CFAP61: variants seen among roughly 807,000 people sequenced by gnomAD.
The protein encoded by CFAP61 is cilia and flagella associated protein 61.
A neutral mutation model predicts 135.6 loss-of-function variants in CFAP61; 107 were observed. That is an observed-to-expected ratio of 0.79 (90% CI 0.67 to 0.93). The LOEUF is 0.93. Among genes scored for constraint, CFAP61 ranks in the 40% least tolerant of loss-of-function variants. CFAP61 has a pLI of 0.00. For synonymous variants in CFAP61, 575 were observed against 578.5 expected (o/e 0.99, Z 0.09); for missense variants, 1,507 against 1,556.2 (o/e 0.97, Z 0.53).
rs1329747731 is a variant in CFAP61 at position 20,228,659 on chromosome 20, A to G, written c.2060+283A>G. 5 of 264,562 alleles carry G rather than the reference A, an allele frequency of 1.9e-5. No homozygotes were observed. The South Asian group carries it at 3.5e-4, about 18-fold the overall frequency. The allele number at this position is 264,562 out of a possible 1,614,324, so 16.4% of individuals were successfully genotyped here. A position where few individuals can be genotyped will look rare whatever the true frequency, so the allele number is the denominator to read the frequency against. ...TGTCTGTGGCCATTTTTGTGCTACA[A>G]TAGCAGATTAGATGGCAGACTCCTC... is the stretch of plus-strand genomic sequence containing the variant. On this transcript the variant is annotated intron_variant, in intron 18 of 26. Transcript: ENST00000245957.
chr20:20,308,370 C>T (rs1296833937), intron 25 of CFAP61, among the ~76,000 whole-genome samples: 1 of 148,106 alleles, frequency 6.8e-6, no homozygotes, highest in African/African-American at 2.5e-5. Context: ...CTCTCTGTGC[C>T]TGTTTTGGTG....
At chr20:20,281,850 G>GGA (rs890611741) in intron 22 of CFAP61, among the ~76,000 whole-genome samples, 2 of 151,910 alleles carry the variant, frequency 1.3e-5, no homozygotes, top group African/African-American at 4.8e-5. Flanking sequence ...TTTCTTTCTT[G>GGA]GACGTTTGAC....
At chr20:20,228,169 C>A in intron 17 of CFAP61, 80 bp from the exon 18 acceptor site, 1 of 1,343,056 alleles carries the variant, frequency 7.4e-7, no homozygotes, top group Non-Finnish European at 1.0e-6. Context: ...TTAGATAATT[C>A]TACATAGTTG....
intron 19 of CFAP61, among the ~76,000 whole-genome samples, chr20:20,247,685 ACT>A (rs1255480748): frequency 6.6e-6 from 1 of 151,950 alleles, no homozygotes; most frequent in African/African-American, 2.4e-5. Flanking sequence ...TCCAGCCTAA[ACT>A]CTGTCTCCAT....
Position 20,298,182 on chromosome 20 carries a change from G to T in CFAP61, c.3218G>T (p.Gly1073Val). The T allele has an allele frequency of 1.2e-6, 2 of 1,611,106 alleles. No individual in the cohort carries two copies. The highest frequency in any genetic ancestry group is 1.7e-5 in the Admixed American group (1 of 60,010). ...LEVQMAQPNY[G>V]LELVTGSAKN... ...TTCTTGTCCACATCCCTCCTCCAGG[G>T]TTTAGAACTAGTAACCGGCAGTGCG... The change falls in exon 25 of 27, where the codon GGT (glycine) becomes GTT (valine). Residue 1073 changes from glycine (G) to valine (V), a missense_variant and splice_region_variant. Coordinates refer to ENST00000245957, the MANE Select transcript of CFAP61 (RefSeq NM_015585.4).
intron 26 of CFAP61, among the ~76,000 whole-genome samples, chr20:20,347,486 C>T (rs536744763): frequency 6.6e-6 from 1 of 152,030 alleles, no homozygotes; most frequent in Admixed American, 6.6e-5. Flanking sequence ...AGCTAGACTG[C>T]CTAAGAAAAA....
At chr20:20,303,507 G>C (rs569696022) in intron 25 of CFAP61, among the ~76,000 whole-genome samples, 1 of 152,122 alleles carries the variant, frequency 6.6e-6, no homozygotes, top group South Asian at 2.1e-4. Context: ...TACTCCAGGC[G>C]TGTGTTAGTG....
chr20:20,269,150 C>T lies in CFAP61; in HGVS notation c.2503+6020C>T, dbSNP rs866289630. ...ATATATATATATATATATATATACA[C>T]ACACACACACACACATACATATATG... is the stretch of plus-strand genomic sequence containing the variant. On this transcript the variant is annotated intron_variant, in intron 21 of 26. Transcript: ENST00000245957. Among the ~76,000 whole-genome samples, 296 of 85,714 alleles carry T rather than the reference C, an allele frequency of 3.5e-3. 6 individuals carry two copies. Among genetic ancestry groups the T allele is most frequent in the African/African-American group, 0.011 (271 of 24,878 alleles). The allele number at this position is 85,714 out of a possible 152,430, so 56.2% of individuals were successfully genotyped here.
intron 13 of CFAP61, among the ~76,000 whole-genome samples, chr20:20,186,895 A>G (rs1459512801): frequency 6.6e-6 from 1 of 152,206 alleles, no homozygotes; most frequent in Non-Finnish European, 1.5e-5. Context: ...CTGCAAGGCT[A>G]GCTACATAAT....
At chr20:20,352,161 C>A (rs1300357899) in intron 26 of CFAP61, among the ~76,000 whole-genome samples, 10 of 152,140 alleles carry the variant, frequency 6.6e-5, no homozygotes, top group Admixed American at 6.5e-4. Flanking sequence ...GAAGGGGAAG[C>A]AAGCACCTTC....
At chr20:20,074,231 C>G in intron 3 of CFAP61, 71 bp from the exon 4 acceptor site, 1 of 1,291,374 alleles carries the variant, frequency 7.7e-7, no homozygotes. Context: ...CCGAAACCCT[C>G]TTTCCACCCT....
intron 17 of CFAP61, among the ~76,000 whole-genome samples, chr20:20,201,499 G>A (rs928785532): frequency 1.3e-5 from 2 of 152,210 alleles, no homozygotes; most frequent in African/African-American, 4.8e-5. Flanking sequence ...GAGATGAGAC[G>A]TGCCTAGCCC....
At chr20:20,169,567 C>CT in intron 13 of CFAP61, 107 bp downstream of exon 13, 7 of 1,012,714 alleles carry the variant, frequency 6.9e-6, no homozygotes, top group Non-Finnish European at 9.2e-6. Flanking sequence ...TAAATATCAT[C>CT]TTTTATTAGA....
At chr20:20,329,003 T>A (rs2057873551) in intron 25 of CFAP61, among the ~76,000 whole-genome samples, 1 of 152,228 alleles carries the variant, frequency 6.6e-6, no homozygotes. Flanking sequence ...GTCAGCTGAA[T>A]AAACCTGACT....
At chr20:20,317,846 C>G (rs1040195963) in intron 25 of CFAP61, among the ~76,000 whole-genome samples, 2 of 152,212 alleles carry the variant, frequency 1.3e-5, no homozygotes, top group Non-Finnish European at 2.9e-5. Context: ...AAAGTGTACA[C>G]CACGCTGGAG....
chr20:20,067,791 T>TACAC (rs1814941866), intron 2 of CFAP61, among the ~76,000 whole-genome samples: 1 of 146,068 alleles, frequency 6.8e-6, no homozygotes, highest in Admixed American at 7.0e-5. Flanking sequence ...TATATATATA[T>TACAC]ACCTACCTTC....
chr20:20,197,683 G>A (rs2056385687), intron 16 of CFAP61, among the ~76,000 whole-genome samples: 1 of 150,692 alleles, frequency 6.6e-6, no homozygotes. Context: ...TTGTTCCACA[G>A]GAAAAGGCCT....
rs759860912 is a variant in CFAP61, at chr20:20,054,412, T to TACACACACAC, written c.-37+1822_-37+1823insCACACACACA. ...TGAGCTAGGGATATATATATATATA[T>TACACACACAC]ATACACACACACATACATACACATA... is the stretch of plus-strand genomic sequence containing the variant. On this transcript the variant is annotated intron_variant, in intron 1 of 26. Coordinates refer to ENST00000245957, the MANE Select transcript of CFAP61 (RefSeq NM_015585.4). Among the ~76,000 whole-genome samples, 887 of 151,466 alleles carry TACACACACAC rather than the reference T, an allele frequency of 5.9e-3. 9 individuals are homozygous for TACACACACAC. Among genetic ancestry groups the TACACACACAC allele is most frequent in the African/African-American group, 0.02 (800 of 41,000 alleles).
At chr20:20,131,913 G>A (rs961239342) in intron 8 of CFAP61, among the ~76,000 whole-genome samples, 1 of 151,796 alleles carries the variant, frequency 6.6e-6, no homozygotes, top group Non-Finnish European at 1.5e-5. Context: ...TTATTAACAT[G>A]GGAATGTTCT....
Sources: gnomAD v4.1 joint callset for allele counts (sites outside exome capture counted in the v4.1 genomes callset) on GRCh38, gnomAD v4.1.1 for gene constraint, MANE v1.5 for transcripts, NCBI Gene and HGNC (gene_info 2026-07-23, HGNC 2026-07-21) for gene names.